The following ICAM3 variants were observed in gnomAD, a reference collection of about 807,000 sequenced individuals.
ICAM3 encodes ICAM-3.
Under a neutral mutation model 43.6 loss-of-function variants are expected in ICAM3, and 54 were observed. The ratio of observed to expected loss-of-function variants is 1.24; its 90% CI spans 0.99 to 1.55. The LOEUF is 1.55. Ranked by LOEUF, ICAM3 falls within the 40% of genes most tolerant of loss-of-function variation. The probability of loss-of-function intolerance (pLI) is 0.00; values close to 1 mark genes in which losing one functional copy is unlikely to be tolerated. For missense variants in ICAM3, 715 were observed against 717.9 expected, an observed-to-expected ratio of 1.00 and a Z score of 0.05; for synonymous variants, 306 against 312.6, an observed-to-expected ratio of 0.98 and a Z score of 0.22.
Position 10,334,487 on chromosome 19 carries a change from G to C in ICAM3, c.1192+41C>G. 1 of 1,603,426 alleles carries C rather than the reference G, an allele frequency of 6.2e-7. No individual in the cohort carries two copies. The highest frequency in any genetic ancestry group is 1.1e-5 in the South Asian group (1 of 89,678). On this transcript the variant is annotated intron_variant, in intron 5 of 6. Transcript: ENST00000160262. The surrounding 1 kb of genome is among the most constrained non-coding windows in gnomAD (Gnocchi z 5.5). The stretch of plus-strand genomic sequence containing the variant: ...GCAGAGGAGCGTCTAATCTTTCCAG[G>C]GCAGGGGTGGAGGGATTAAAGGTCA...
At chr19:10,336,314 G>A (rs752246735) in intron 2 of ICAM3, 4 of 272,420 alleles carry the variant, frequency 1.5e-5, no homozygotes, top group Admixed American at 1.4e-4. Flanking sequence ...GGTGGCTCAC[G>A]CCTGTAATCC....
rs763253480 is a variant in ICAM3 at position 10,335,834 on chromosome 19, G to T, written c.486C>A (p.Ser162Arg). The T allele has an allele frequency of 2.4e-5, 39 of 1,611,846 alleles. 1 individual carries two copies. The Admixed American group carries it at 6.5e-4, about 27-fold the overall frequency. Residue 162 changes from serine to arginine, a missense_variant, in exon 3 of 7, where the codon AGC becomes AGA. Coordinates refer to ENST00000160262, the MANE Select transcript of ICAM3 (RefSeq NM_002162.5). ...VVLLRWEEEL[S>R]RQPAVEEPAE... is the part of the protein sequence containing the mutation. ...CTGGCTCCTCCACTGCGGGCTGCCGGCTCAGCTCCTCCTCCCAGCGAAGCA... is the reference window on the plus strand; with the variant it reads ...CTGGCTCCTCCACTGCGGGCTGCCGTCTCAGCTCCTCCTCCCAGCGAAGCA...
intron 2 of ICAM3, among the ~76,000 whole-genome samples, chr19:10,338,349 G>A (rs1015887181): frequency 1.3e-5 from 2 of 150,860 alleles, no homozygotes; most frequent in Non-Finnish European, 2.9e-5. Flanking sequence ...GTTGCAGTGA[G>A]CCGACATCGT....
In ICAM3 at chr19:10,333,937, T is replaced by C. The variant is rs1247130906; in HGVS notation, c.1564A>G (p.Arg522Gly). The C allele has an allele frequency of 1.9e-6, 3 of 1,614,008 alleles. No homozygotes were observed. The highest frequency in any genetic ancestry group is 2.5e-6 in the Non-Finnish European group (3 of 1,180,040). ...EHQRSGSYHVREESTYLPLTS... is the reference protein window; with the variant it reads ...EHQRSGSYHVGEESTYLPLTS... ...AGGGGCAGATAGGTGCTCTCCTCCC[T>C]AACATGGTAACTGCCGCTCCGTTGG... The change falls in exon 7 of 7, where the codon AGG (arginine) becomes GGG (glycine). Residue 522 changes from arginine to glycine, a missense_variant. Arg to Gly is a moderately radical substitution (Grantham distance 125, BLOSUM62 -2). Transcript: ENST00000160262. The surrounding 1 kb of genome is among the most constrained non-coding windows in gnomAD (Gnocchi z 4.2).
At chr19:10,339,313 G>C in intron 1 of ICAM3, 1 of 572,546 alleles carries the variant, frequency 1.7e-6, no homozygotes, top group Non-Finnish European at 3.1e-6. Flanking sequence ...AAGCATGAGG[G>C]GTGTGTGTGT....
At chr19:10,335,553 G>A in intron 3 of ICAM3, 118 bp downstream of exon 3, 6 of 1,218,728 alleles carry the variant, frequency 4.9e-6, no homozygotes, top group Middle Eastern at 2.0e-4. Context: ...GTGGCCGGGG[G>A]CTTTCCTTCC....
Position 10,334,107 on chromosome 19 carries a change from C to CCCCCCCCCCCCCCCCCGTAACCGGCCACA in ICAM3, c.1442-49_1442-48insTGTGGCCGGTTACGGGGGGGGGGGGGGGG. On this transcript the variant is annotated intron_variant, in intron 6 of 6. Transcript: ENST00000160262. The surrounding 1 kb of genome is among the most constrained non-coding windows in gnomAD (Gnocchi z 5.5). ...CAATATGCGTCCCTTCTGTCTCCAA[C>CCCCCCCCCCCCCCCCCGTAACCGGCCACA]CCCCCCGCCCCCCGGCTTACCGGTC... 6.3e-7 allele frequency: 1 copy of CCCCCCCCCCCCCCCCCGTAACCGGCCACA among 1,575,250 alleles called. No individual in the cohort carries two copies. Among genetic ancestry groups the CCCCCCCCCCCCCCCCCGTAACCGGCCACA allele is most frequent in the Non-Finnish European group, 8.7e-7 (1 of 1,146,362 alleles).
At chr19:10,339,402 T>C (rs2040632664) in intron 1 of ICAM3, 137 bp downstream of exon 1, 3 of 742,952 alleles carry the variant, frequency 4.0e-6, no homozygotes, top group South Asian at 3.5e-5. Context: ...GAACCAGAAC[T>C]TTCTCCCGAG....
chr19:10,338,529 T>C (rs1040179140), intron 2 of ICAM3, among the ~76,000 whole-genome samples, 153 bp downstream of exon 2: 10 of 152,204 alleles, frequency 6.6e-5, no homozygotes, highest in Non-Finnish European at 1.0e-4. Flanking sequence ...TCTGTCTATC[T>C]TTGTATCTCA....
chr19:10,339,150 G>A, intron 1 of ICAM3: 1 of 626,594 alleles, frequency 1.6e-6, no homozygotes, highest in South Asian at 2.0e-5. Context: ...CAGCATAGGA[G>A]GAGGTGAGTC....
intron 2 of ICAM3, among the ~76,000 whole-genome samples, chr19:10,337,960 T>G (rs7254041): frequency 0.21 from 30,649 of 148,468 alleles, 3,199 homozygotes; most frequent in South Asian, 0.26. Flanking sequence ...GAGAGGCTGA[T>G]GTGGGCGGAA....
chr19:10,335,956 G>A lies in ICAM3; in HGVS notation c.364C>T (p.Leu122=). ...GGCTGCCAAGGAGGCAGGGGTGCCAGCTCCACACGCTCCGGGAGCCCTGAG... is the reference window on the plus strand; with the variant it reads ...GGCTGCCAAGGAGGCAGGGGTGCCAACTCCACACGCTCCGGGAGCCCTGAG... ...TVYRLPERVE[L]APLPPWQPVG... is the part of the protein sequence containing the mutation. The change falls in exon 3 of 7, where the codon CTG becomes TTG. Residue 122 remains leucine (L), a synonymous_variant. Transcript: ENST00000160262. The A allele has an allele frequency of 6.4e-7, 1 of 1,565,528 alleles. No homozygotes were observed. The highest frequency in any genetic ancestry group is 8.6e-7 in the Non-Finnish European group (1 of 1,161,644).
chr19:10,335,987 AG>A lies in ICAM3; in HGVS notation c.344-12del. ...CACGCTCCGGGAGCCCTGAGAGAGG[AG>A]GGGAGGATGGCACTTAGCGGGTCCT... On this transcript the variant is annotated splice_polypyrimidine_tract_variant and intron_variant, in intron 2 of 6. Coordinates refer to ENST00000160262, the MANE Select transcript of ICAM3 (RefSeq NM_002162.5). 2 of 1,536,872 alleles carry A rather than the reference AG, an allele frequency of 1.3e-6. No homozygotes were observed. The highest frequency in any genetic ancestry group is 1.7e-6 in the Non-Finnish European group (2 of 1,145,158).
intron 2 of ICAM3, among the ~76,000 whole-genome samples, chr19:10,337,457 C>CCAGGTACAGTGACT (rs111906193): frequency 6.8e-6 from 1 of 146,892 alleles, no homozygotes; most frequent in East Asian, 2.0e-4. Context: ...AAAAAAGTAG[C>CCAGGTACAGTGACT]CAGGCCTGCA....
Position 10,336,038 on chromosome 19 carries a change from G to A in ICAM3, c.344-62C>T, listed in dbSNP as rs559810492. 6 of 1,404,484 alleles carry A rather than the reference G, an allele frequency of 4.3e-6. No homozygotes were observed. In the East Asian group the frequency reaches 1.0e-4, roughly 23 times the overall value. The allele number at this position is 1,404,484 out of a possible 1,614,324, so 87.0% of individuals were successfully genotyped here. On this transcript the variant is annotated intron_variant, in intron 2 of 6. Coordinates refer to ENST00000160262, the MANE Select transcript of ICAM3 (RefSeq NM_002162.5). ...TGCAAACCCACCCACTCACCCCAGG[G>A]ACTGGGGAGGAGACAGGGTGGTCCT...
Position 10,335,317 on chromosome 19 carries a change from C to A in ICAM3, c.686G>T (p.Arg229Leu), listed in dbSNP as rs1251168072. 1.9e-6 allele frequency: 3 copies of A among 1,611,572 alleles called. No homozygotes were observed. Among genetic ancestry groups the A allele is most frequent in the East Asian group, 4.5e-5 (2 of 44,888 alleles). ...PVTPPRLVAP[R>L]FLEVETSWPV... ...CCACGACGTTTCCACCTCCAAGAACCGGGGGGCCACGAGGCGCGGGGGGGT... is the reference window on the plus strand; with the variant it reads ...CCACGACGTTTCCACCTCCAAGAACAGGGGGGCCACGAGGCGCGGGGGGGT... The change falls in exon 4 of 7, where the codon CGG (arginine) becomes CTG (leucine). Residue 229 changes from arginine to leucine, a missense_variant. By Grantham distance (102) the Arg-to-Leu change is moderately radical. Coordinates refer to ENST00000160262, the MANE Select transcript of ICAM3 (RefSeq NM_002162.5).
chr19:10,334,459 G>A lies in ICAM3; in HGVS notation c.1193-51C>T, dbSNP rs762494439. On this transcript the variant is annotated intron_variant, in intron 5 of 6. Transcript: ENST00000160262. This position sits in a 1 kb window ranked among gnomAD's most constrained non-coding sequence, Gnocchi z 5.5. Reference sequence around the variant, plus strand: ...ACACCCAACACACCCGAGGCACAGTGGTGCAGAGGAGCGTCTAATCTTTCC... The same window carrying A: ...ACACCCAACACACCCGAGGCACAGTAGTGCAGAGGAGCGTCTAATCTTTCC... 6.2e-7 allele frequency: 1 copy of A among 1,609,464 alleles called. No homozygotes were observed. Among genetic ancestry groups the A allele is most frequent in the Non-Finnish European group, 8.5e-7 (1 of 1,176,696 alleles).
chr19:10,334,672 G>C lies in ICAM3; in HGVS notation c.1048C>G (p.Pro350Ala). The C allele has an allele frequency of 1.2e-6, 2 of 1,613,278 alleles. No individual in the cohort carries two copies. Among genetic ancestry groups the C allele is most frequent in the Non-Finnish European group, 1.7e-6 (2 of 1,180,026 alleles). Reference protein sequence around the residue: ...ARVQVTLDGVPAAAPGQPAQL... With the variant: ...ARVQVTLDGVAAAAPGQPAQL... ...GCTGGCTGCCCCGGGGCCGCGGCCG[G>C]AACTCCGTCCAGCGTGACCTGGACT... Residue 350 changes from proline (P) to alanine (A), a missense_variant, in exon 5 of 7, where the codon CCG (proline) becomes GCG (alanine). Transcript: ENST00000160262. This position sits in a 1 kb window ranked among gnomAD's most constrained non-coding sequence, Gnocchi z 5.5.
intron 2 of ICAM3, 186 bp from the exon 3 acceptor site, chr19:10,336,162 C>T (rs964046260): frequency 8.6e-6 from 5 of 582,302 alleles, no homozygotes; most frequent in African/African-American, 5.6e-5. Context: ...TTATCATTTC[C>T]TGTGTTGTCA....
Sources: gnomAD v4.1 joint callset for allele counts (sites outside exome capture counted in the v4.1 genomes callset) on GRCh38, gnomAD v4.1.1 for gene constraint, Gnocchi (gnomAD v3.1) non-coding constraint, MANE v1.5 for transcripts, NCBI Gene and HGNC (gene_info 2026-07-23, HGNC 2026-07-21) for gene names.